Variants in TMEM178B observed in about 807,000 individuals in gnomAD.
The protein encoded by TMEM178B is transmembrane protein 178B.
TMEM178B carries 5 observed loss-of-function variants against 31.0 expected under a neutral mutation model. The observed-to-expected ratio is 0.16, with a 90% CI of 0.08 to 0.34. The LOEUF is 0.34. Ranked by LOEUF, TMEM178B falls within the 10% of genes least tolerant of loss-of-function variation. The pLI is 1.00. For missense variants in TMEM178B, 275 were observed against 400.3 expected, an observed-to-expected ratio of 0.69 and a Z score of 2.67; for synonymous variants, 164 against 164.0, an observed-to-expected ratio of 1.00 and a Z score of 0.00.
At chr7:141,105,343 A>G (rs1795126356) in intron 1 of TMEM178B, among the ~76,000 whole-genome samples, 1 of 152,104 alleles carries the variant, frequency 6.6e-6, no homozygotes. Context: ...CCCTGTCTCT[A>G]CTAAAAATAC....
chr7:141,263,699 C>T (rs1306039674), intron 2 of TMEM178B, among the ~76,000 whole-genome samples: 1 of 152,136 alleles, frequency 6.6e-6, no homozygotes, highest in East Asian at 1.9e-4. Flanking sequence ...CTTCCTGGTA[C>T]ATACTGGAAT....
intron 2 of TMEM178B, among the ~76,000 whole-genome samples, chr7:141,303,170 G>T (rs1470317734): frequency 1.3e-5 from 2 of 152,086 alleles, no homozygotes; most frequent in African/African-American, 2.4e-5. Flanking sequence ...ATCGTTGTGG[G>T]GATGTTAGCC....
chr7:141,343,645 G>T (rs1327224156), intron 2 of TMEM178B, among the ~76,000 whole-genome samples: 3 of 151,112 alleles, frequency 2.0e-5, no homozygotes, highest in Admixed American at 1.3e-4. Flanking sequence ...CACCCCACCG[G>T]GTTACACCAT....
At chr7:141,090,649 A>T (rs376202049) in intron 1 of TMEM178B, among the ~76,000 whole-genome samples, 1 of 152,202 alleles carries the variant, frequency 6.6e-6, no homozygotes, top group Non-Finnish European at 1.5e-5. Flanking sequence ...TTGGGAAAAC[A>T]TGGTGGGTAT....
chr7:141,141,770 C>T (rs1261523871), intron 1 of TMEM178B, among the ~76,000 whole-genome samples: 1 of 152,084 alleles, frequency 6.6e-6, no homozygotes, highest in African/African-American at 2.4e-5. Flanking sequence ...ATGGTTTAAA[C>T]TTTATGGGTT....
chr7:141,190,269 C>T (rs1042147771), intron 1 of TMEM178B, among the ~76,000 whole-genome samples: 4 of 152,122 alleles, frequency 2.6e-5, no homozygotes, highest in African/African-American at 9.7e-5. Context: ...AATCATCTAA[C>T]ACAAGGCCTA....
At chr7:141,377,964 C>T (rs1337237470) in intron 2 of TMEM178B, among the ~76,000 whole-genome samples, 1 of 152,160 alleles carries the variant, frequency 6.6e-6, no homozygotes, top group African/African-American at 2.4e-5. Context: ...TAATTGAACT[C>T]TCAACTTTAT....
intron 2 of TMEM178B, among the ~76,000 whole-genome samples, chr7:141,380,340 A>G (rs987334239): frequency 1.3e-5 from 2 of 152,206 alleles, no homozygotes; most frequent in African/African-American, 4.8e-5. Context: ...ATTGAATAGG[A>G]GACTCTATGT....
chr7:141,356,079 G>T (rs1401155569), intron 2 of TMEM178B, among the ~76,000 whole-genome samples: 12 of 152,222 alleles, frequency 7.9e-5, no homozygotes, highest in Admixed American at 7.9e-4. Context: ...ATTCTATGGT[G>T]TATATGTACC....
chr7:141,433,353 G>T (rs955177007), intron 2 of TMEM178B, among the ~76,000 whole-genome samples: 1 of 152,120 alleles, frequency 6.6e-6, no homozygotes, highest in Non-Finnish European at 1.5e-5. Context: ...TGAGCCTTTT[G>T]GGGATTCCAC....
chr7:141,364,289 G>T (rs189346306), intron 2 of TMEM178B, among the ~76,000 whole-genome samples: 1 of 152,242 alleles, frequency 6.6e-6, no homozygotes, highest in Non-Finnish European at 1.5e-5. Flanking sequence ...GCGTTCAATT[G>T]TACTGTGCTT....
intron 2 of TMEM178B, among the ~76,000 whole-genome samples, chr7:141,343,086 G>A (rs937902017): frequency 2.0e-5 from 3 of 152,176 alleles, no homozygotes; most frequent in South Asian, 2.1e-4. Context: ...GCCTGAGAAG[G>A]TTCATCTCTA....
At chr7:141,202,364 C>T (rs1249208867) in intron 1 of TMEM178B, among the ~76,000 whole-genome samples, 3 of 900 alleles carry the variant, frequency 3.3e-3, no homozygotes, top group South Asian at 0.025. Flanking sequence ...ACATGATGGT[C>T]GGGTGGGCGG....
chr7:141,130,461 A>T (rs902882729), intron 1 of TMEM178B, among the ~76,000 whole-genome samples: 2 of 152,180 alleles, frequency 1.3e-5, no homozygotes, highest in Non-Finnish European at 2.9e-5. Context: ...TCTTTCACTC[A>T]ATATTATATC....
At chr7:141,431,932 G>T (rs1179591593) in intron 2 of TMEM178B, among the ~76,000 whole-genome samples, 3 of 152,152 alleles carry the variant, frequency 2.0e-5, no homozygotes, top group African/African-American at 7.2e-5. Flanking sequence ...TACATGCACA[G>T]GCCTTTCCTT....
chr7:141,445,710 G>A (rs989020531), intron 3 of TMEM178B, among the ~76,000 whole-genome samples: 2 of 152,242 alleles, frequency 1.3e-5, no homozygotes, highest in African/African-American at 4.8e-5. Context: ...CTTGATAAAT[G>A]GTGCTGTTAC....
chr7:141,449,561 G>A (rs577697349), intron 3 of TMEM178B, among the ~76,000 whole-genome samples: 26 of 152,270 alleles, frequency 1.7e-4, no homozygotes, highest in African/African-American at 4.3e-4. Context: ...AGGGCAAACC[G>A]GACCAGACCA....
intron 1 of TMEM178B, among the ~76,000 whole-genome samples, chr7:141,156,313 A>G (rs1013948555): frequency 1.3e-5 from 2 of 152,146 alleles, no homozygotes; most frequent in African/African-American, 4.8e-5. Context: ...CTACTATGCC[A>G]TGATTATAAG....
At chr7:141,182,395 C>T (rs780763618) in intron 1 of TMEM178B, among the ~76,000 whole-genome samples, 6 of 152,252 alleles carry the variant, frequency 3.9e-5, no homozygotes, top group Middle Eastern at 3.4e-3. Flanking sequence ...ATTATACTGG[C>T]TTGTTATACT....
Sources: gnomAD v4.1 joint callset for allele counts (sites outside exome capture counted in the v4.1 genomes callset) on GRCh38, gnomAD v4.1.1 for gene constraint, MANE v1.5 for transcripts, NCBI Gene and HGNC (gene_info 2026-07-23, HGNC 2026-07-21) for gene names.